CEP112: variants seen among roughly 807,000 people sequenced by gnomAD.
The protein encoded by CEP112 is centrosomal protein 112, also known as centrosomal protein of 112 kDa.
A neutral mutation model predicts 153.0 loss-of-function variants in CEP112; 127 were observed. That is an observed-to-expected ratio of 0.83 (90% confidence interval 0.72 to 0.96). The LOEUF (loss-of-function observed/expected upper bound fraction) is 0.96. Ranked by LOEUF, CEP112 falls within the 40% of genes least tolerant of loss-of-function variation. The pLI is 0.00. For missense variants in CEP112, 1,089 were observed against 1,101.2 expected, an observed-to-expected ratio of 0.99 and a Z score of 0.16; for synonymous variants, 358 against 374.4, an observed-to-expected ratio of 0.96 and a Z score of 0.51.
At chr17:65,944,177 G>T (rs1039075840) in intron 18 of CEP112, among the ~76,000 whole-genome samples, 1 of 152,174 alleles carries the variant, frequency 6.6e-6, no homozygotes, top group African/African-American at 2.4e-5. Flanking sequence ...ATAGACACAG[G>T]GAGGGGAGAG....
chr17:66,111,516 C>T (rs1598373406), intron 6 of CEP112, among the ~76,000 whole-genome samples: 1 of 152,172 alleles, frequency 6.6e-6, no homozygotes, highest in East Asian at 1.9e-4. Context: ...GAATACTATG[C>T]AGTGATAAAA....
At chr17:65,912,203 G>T (rs1261047090) in intron 19 of CEP112, among the ~76,000 whole-genome samples, 1 of 152,052 alleles carries the variant, frequency 6.6e-6, no homozygotes, top group Non-Finnish European at 1.5e-5. Context: ...TTATCTCTCA[G>T]AACACAGCTC....
intron 8 of CEP112, among the ~76,000 whole-genome samples, chr17:66,076,768 T>G (rs1252301305): frequency 1.3e-5 from 2 of 152,164 alleles, no homozygotes; most frequent in Non-Finnish European, 2.9e-5. Context: ...AATAGAACTG[T>G]AAACCACTAA....
At chr17:65,669,241 AAT>A (rs2046847133) in intron 24 of CEP112, among the ~76,000 whole-genome samples, 1 of 152,210 alleles carries the variant, frequency 6.6e-6, no homozygotes, top group South Asian at 2.1e-4. Flanking sequence ...TCCTTTTGAA[AAT>A]ATGTTATGAC....
At chr17:65,684,254 T>G (rs2047676014) in intron 24 of CEP112, among the ~76,000 whole-genome samples, 1 of 152,262 alleles carries the variant, frequency 6.6e-6, no homozygotes, top group South Asian at 2.1e-4. Flanking sequence ...CTGAGTCTCC[T>G]GTGAAACACT....
At chr17:66,059,984 G>A (rs2066859723) in intron 11 of CEP112, among the ~76,000 whole-genome samples, 1 of 152,024 alleles carries the variant, frequency 6.6e-6, no homozygotes, top group Non-Finnish European at 1.5e-5. Context: ...ATGAAATCAT[G>A]TCCTTCGCAG....
intron 24 of CEP112, among the ~76,000 whole-genome samples, chr17:65,666,450 T>C (rs1174137670): frequency 6.6e-6 from 1 of 152,222 alleles, no homozygotes; most frequent in East Asian, 1.9e-4. Flanking sequence ...TAGGGTTCAT[T>C]GGTCCCTTGT....
At chr17:65,891,791 T>A (rs1303735876) in intron 20 of CEP112, among the ~76,000 whole-genome samples, 2 of 152,174 alleles carry the variant, frequency 1.3e-5, no homozygotes, top group African/African-American at 4.8e-5. Context: ...GGTCTCCTTT[T>A]TCATTTCAAG....
At chr17:65,785,610 AG>A (rs1371218899) in intron 21 of CEP112, among the ~76,000 whole-genome samples, 12 of 152,158 alleles carry the variant, frequency 7.9e-5, no homozygotes, top group Admixed American at 5.2e-4. Flanking sequence ...TTTCCTTTAA[AG>A]CTTTTCATTT....
intron 4 of CEP112, among the ~76,000 whole-genome samples, chr17:66,158,604 T>C (rs1321317199): frequency 6.6e-6 from 1 of 151,870 alleles, no homozygotes; most frequent in African/African-American, 2.4e-5. Context: ...AGAGCGAGAC[T>C]CCATCTCAAA....
chr17:65,933,644 G>C (rs62063079), intron 18 of CEP112, among the ~76,000 whole-genome samples: 72,797 of 151,960 alleles, frequency 0.48, 18,435 homozygotes, highest in East Asian at 0.89. Context: ...ATCTTCCCCC[G>C]AAAATGAGGG....
At chr17:65,670,112 T>C (rs1485501735) in intron 24 of CEP112, among the ~76,000 whole-genome samples, 1 of 151,864 alleles carries the variant, frequency 6.6e-6, no homozygotes, top group Non-Finnish European at 1.5e-5. Context: ...TTTTTAAAAA[T>C]AACCTGTTTG....
At chr17:66,188,397 A>ACCCCCCCCCCCCC (rs58016503) in intron 1 of CEP112, among the ~76,000 whole-genome samples, 1 of 128,964 alleles carries the variant, frequency 7.8e-6, no homozygotes. Flanking sequence ...CCATGGTCAA[A>ACCCCCCCCCCCCC]CCCCCCCCCA....
rs188357238 is a variant in CEP112, at chr17:65,764,595, T to A, written c.2395-13871A>T. Among the ~76,000 whole-genome samples, 1,329 of 152,164 alleles carry A rather than the reference T, an allele frequency of 8.7e-3. 13 individuals carry two copies. The highest frequency in any genetic ancestry group is 0.02 in the South Asian group (98 of 4,826). Reference sequence around the variant, plus strand: ...TAAATATGGCCACTTCTGTTCTCTTTTTTTTTTTACCATTTGTGTGCAATA... The same window carrying A: ...TAAATATGGCCACTTCTGTTCTCTTATTTTTTTTACCATTTGTGTGCAATA... On this transcript the variant is annotated intron_variant, in intron 21 of 26. Transcript: ENST00000535342.
Position 66,191,434 on chromosome 17 carries a change from C to T in CEP112, c.-9+563G>A, listed in dbSNP as rs116775297. Among the ~76,000 whole-genome samples, 1,338 of 152,352 alleles carry T rather than the reference C, an allele frequency of 8.8e-3. 16 individuals carry two copies. Among genetic ancestry groups the T allele is most frequent in the African/African-American group, 0.03 (1,266 of 41,586 alleles). On this transcript the variant is annotated intron_variant, in intron 1 of 26. Transcript: ENST00000535342. This position sits in a 1 kb window ranked among gnomAD's most constrained non-coding sequence, Gnocchi z 4.2. ...CTCTTGAACACTTAAAAATAATTAACTCAGAAACACAGGGTAGCATCCTAC... is the reference window on the plus strand; with the variant it reads ...CTCTTGAACACTTAAAAATAATTAATTCAGAAACACAGGGTAGCATCCTAC...
intron 23 of CEP112, among the ~76,000 whole-genome samples, chr17:65,693,226 C>A (rs528042377): frequency 2.6e-5 from 4 of 152,184 alleles, no homozygotes; most frequent in African/African-American, 9.6e-5. Flanking sequence ...GTGCTACACT[C>A]GGCGTCCCAC....
chr17:65,657,027 A>C (rs2046097281), intron 24 of CEP112, among the ~76,000 whole-genome samples: 2 of 152,302 alleles, frequency 1.3e-5, no homozygotes, highest in South Asian at 4.1e-4. Flanking sequence ...TTCAAAGCTG[A>C]GAAAGTCGGA....
chr17:65,661,098 T>G (rs1160048659), intron 24 of CEP112, among the ~76,000 whole-genome samples: 2 of 152,232 alleles, frequency 1.3e-5, no homozygotes, highest in Non-Finnish European at 2.9e-5. Flanking sequence ...TGTGCTCCAG[T>G]AATGACTTGG....
rs530943718 is a variant in CEP112 at position 66,149,610 on chromosome 17, A to G, written c.471-16847T>C. Among the ~76,000 whole-genome samples the G allele has an allele frequency of 9.2e-5, 14 of 152,184 alleles. No individual in the cohort carries two copies. In the South Asian group the frequency reaches 1.0e-3, roughly 11 times the overall value. On this transcript the variant is annotated intron_variant, in intron 4 of 26. Coordinates refer to ENST00000535342, the MANE Select transcript of CEP112 (RefSeq NM_001199165.4). ...TTCACCTAGGTTATCAAATATATTG[A>G]CATATGGTTGCTCATAGTCCTCTCT...
Sources: gnomAD v4.1 joint callset for allele counts (sites outside exome capture counted in the v4.1 genomes callset) on GRCh38, gnomAD v4.1.1 for gene constraint, Gnocchi (gnomAD v3.1) non-coding constraint, MANE v1.5 for transcripts, NCBI Gene and HGNC (gene_info 2026-07-23, HGNC 2026-07-21) for gene names.